Variants in UROS observed in about 807,000 individuals in gnomAD.
UROS encodes the protein uroporphyrinogen-III synthase.
A neutral mutation model predicts 33.0 loss-of-function variants in UROS; 18 were observed. That is an observed-to-expected ratio of 0.55 (90% confidence interval 0.38 to 0.81). UROS has a LOEUF of 0.81. Among genes scored for constraint, UROS ranks in the 30% least tolerant of loss-of-function variants. The probability of loss-of-function intolerance (pLI) is 0.00; values close to 1 mark genes in which losing one functional copy is unlikely to be tolerated. For missense variants in UROS, 293 were observed against 314.9 expected, an observed-to-expected ratio of 0.93 and a Z score of 0.53; for synonymous variants, 114 against 121.1, an observed-to-expected ratio of 0.94 and a Z score of 0.38.
chr10:125,810,907 T>A (rs1564796396), intron 5 of UROS, among the ~76,000 whole-genome samples: 2 of 152,220 alleles, frequency 1.3e-5, no homozygotes, highest in African/African-American at 4.8e-5. Context: ...ATTTCCTCTC[T>A]CCTTTGATAA....
intron 4 of UROS, among the ~76,000 whole-genome samples, chr10:125,814,514 T>C (rs1853124725): frequency 2.0e-5 from 3 of 152,226 alleles, no homozygotes; most frequent in Admixed American, 1.3e-4. Flanking sequence ...GGGTCTGACA[T>C]ACAACAGGCA....
intron 6 of UROS, chr10:125,807,061 G>T: frequency 3.5e-6 from 1 of 285,608 alleles, no homozygotes; most frequent in Non-Finnish European, 6.8e-6. Context: ...TCCTGAGAAG[G>T]GAAAGGACAG....
chr10:125,791,324 CAG>C (rs1374189121), intron 9 of UROS, among the ~76,000 whole-genome samples: 1 of 152,122 alleles, frequency 6.6e-6, no homozygotes, highest in Non-Finnish European at 1.5e-5. Flanking sequence ...TGGCCATAAT[CAG>C]AGACAGAAAA....
chr10:125,820,840 A>G (rs80316316), intron 1 of UROS, among the ~76,000 whole-genome samples: 4,030 of 152,294 alleles, frequency 0.026, 183 homozygotes, highest in African/African-American at 0.091. Context: ...CCTCATTAAG[A>G]TAAATTCTGA....
At chr10:125,802,914 T>A in intron 6 of UROS, 2 of 1,606,812 alleles carry the variant, frequency 1.2e-6, no homozygotes, top group Non-Finnish European at 1.7e-6. Context: ...CCCCACCGCC[T>A]TGCCACCAAG....
At chr10:125,802,260 A>G (rs551131864) in intron 6 of UROS, 3 of 985,626 alleles carry the variant, frequency 3.0e-6, no homozygotes, top group Admixed American at 1.2e-4. Context: ...GAGCGATCCC[A>G]TGGGGCTGGG....
At chr10:125,802,593 G>T (rs1183389222) in intron 6 of UROS, 4 of 1,033,642 alleles carry the variant, frequency 3.9e-6, no homozygotes, top group Middle Eastern at 4.7e-4. Context: ...AGAAGCACAG[G>T]GCCAACCGTC....
At position 125,798,062 on chromosome 10, in the gene UROS, C is replaced by T. The variant is rs761832462; in HGVS notation, c.475+3G>A. ...AGGGATGCAGTCAAAGCATTCTACT[C>T]GCCTTTGTCCTTGAGCGCTTTTGGC... is the stretch of plus-strand genomic sequence containing the variant. On this transcript the variant is annotated splice_donor_region_variant and intron_variant, in intron 7 of 9. Coordinates refer to ENST00000368797, the MANE Select transcript of UROS (RefSeq NM_000375.3). The T allele has an allele frequency of 1.2e-5, 19 of 1,613,906 alleles. 1 individual carries two copies. Among genetic ancestry groups the T allele is most frequent in the South Asian group, 5.5e-5 (5 of 91,076 alleles).
chr10:125,805,029 T>A (rs971652320), intron 6 of UROS, among the ~76,000 whole-genome samples: 1 of 151,972 alleles, frequency 6.6e-6, no homozygotes, highest in African/African-American at 2.4e-5. Context: ...TGGGAAGCAA[T>A]ATGGGGGGTG....
At chr10:125,798,593 C>T (rs1851557587) in intron 6 of UROS, among the ~76,000 whole-genome samples, 1 of 152,196 alleles carries the variant, frequency 6.6e-6, no homozygotes, top group South Asian at 2.1e-4. Flanking sequence ...CAGGAGGCAG[C>T]CGGTAACCGG....
At chr10:125,821,546 G>C (rs1430550284) in intron 1 of UROS, among the ~76,000 whole-genome samples, 1 of 152,218 alleles carries the variant, frequency 6.6e-6, no homozygotes, top group Non-Finnish European at 1.5e-5. Flanking sequence ...TAGTGGTGGT[G>C]ATGGTTGCAC....
At chr10:125,792,938 T>C (rs995114026) in intron 9 of UROS, 3 of 152,446 alleles carry the variant, frequency 2.0e-5, no homozygotes, top group Admixed American at 6.5e-5. Context: ...CCATAGTCAC[T>C]GTGAGCAAGG....
At chr10:125,810,889 C>A (rs1385594492) in intron 5 of UROS, among the ~76,000 whole-genome samples, 1 of 152,184 alleles carries the variant, frequency 6.6e-6, no homozygotes, top group South Asian at 2.1e-4. Context: ...AAAGTTACAA[C>A]ACTTCTAATT....
At chr10:125,801,958 G>C (rs1851869252) in intron 6 of UROS, 12 of 956,100 alleles carry the variant, frequency 1.3e-5, no homozygotes, top group Non-Finnish European at 1.4e-5. Context: ...TGTCTTCACT[G>C]AAAACAGGCA....
chr10:125,791,045 T>C (rs564989830), intron 9 of UROS, among the ~76,000 whole-genome samples: 3 of 151,426 alleles, frequency 2.0e-5, no homozygotes, highest in South Asian at 4.2e-4. Flanking sequence ...TGAGCCACAA[T>C]TGTGTCACTG....
At chr10:125,810,586 A>G (rs2133917283) in intron 5 of UROS, among the ~76,000 whole-genome samples, 1 of 152,244 alleles carries the variant, frequency 6.6e-6, no homozygotes, top group Non-Finnish European at 1.5e-5. Context: ...TCTAGCTAGT[A>G]AGTTTTGGGG....
intron 9 of UROS, chr10:125,789,522 T>C: frequency 4.1e-6 from 1 of 244,352 alleles, no homozygotes; most frequent in Non-Finnish European, 7.1e-6. Flanking sequence ...GGCCTCCATC[T>C]CCTCATCTGT....
At chr10:125,796,469 G>C (rs1851373618) in intron 7 of UROS, among the ~76,000 whole-genome samples, 1 of 152,212 alleles carries the variant, frequency 6.6e-6, no homozygotes, top group Admixed American at 6.5e-5. Context: ...AATGCCTTTT[G>C]TTCCCAGGCT....
chr10:125,788,810 C>T lies in UROS; in HGVS notation c.*58G>A, dbSNP rs1030261935. On this transcript the variant is annotated 3_prime_UTR_variant, in exon 10 of 10. Coordinates refer to ENST00000368797, the MANE Select transcript of UROS (RefSeq NM_000375.3). ...CGAGAGCCCTTGCCGATGCCTGGCT[C>T]CATCCAGAGCCAGCCCAGCCCAGGG... 1.3e-6 allele frequency: 2 copies of T among 1,532,684 alleles called. No individual in the cohort carries two copies. Among genetic ancestry groups the T allele is most frequent in the Non-Finnish European group, 1.8e-6 (2 of 1,136,540 alleles). 94.9% of individuals were successfully genotyped at this position (1,532,684 alleles called of 1,614,324 possible).
Sources: allele counts gnomAD v4.1 joint callset (sites outside exome capture counted in the v4.1 genomes callset), GRCh38; gene constraint gnomAD v4.1.1; transcripts MANE v1.5; gene names NCBI Gene and HGNC (gene_info 2026-07-23, HGNC 2026-07-21).